Variants in TTC6 observed in about 807,000 individuals in gnomAD.
The protein encoded by TTC6 is tetratricopeptide repeat protein 6.
TTC6 carries 172 observed loss-of-function variants against 210.4 expected under a neutral mutation model. The ratio of observed to expected loss-of-function variants is 0.82; its 90% CI spans 0.72 to 0.93. The LOEUF is 0.93. Among genes scored for constraint, TTC6 ranks in the 40% least tolerant of loss-of-function variants. The probability of loss-of-function intolerance (pLI) is 0.00; values close to 1 mark genes in which losing one functional copy is unlikely to be tolerated. For synonymous variants in TTC6, 804 were observed against 819.6 expected, an observed-to-expected ratio of 0.98 and a Z score of 0.32; for missense variants, 2,414 against 2,318.1, an observed-to-expected ratio of 1.04 and a Z score of -0.85.
chr14:37,783,922 T>G (rs2096061525), intron 14 of TTC6, among the ~76,000 whole-genome samples: 2 of 152,220 alleles, frequency 1.3e-5, no homozygotes, highest in South Asian at 4.1e-4. Flanking sequence ...TTGTTCAGCT[T>G]CCATGTAGTT....
chr14:37,840,409 G>A (rs1204239019), intron 29 of TTC6, among the ~76,000 whole-genome samples: 2 of 152,148 alleles, frequency 1.3e-5, no homozygotes, highest in Admixed American at 6.5e-5. Context: ...TCTGCCAGAG[G>A]TGCAAAGAGG....
intron 20 of TTC6, among the ~76,000 whole-genome samples, chr14:37,797,624 T>G (rs1390367495): frequency 6.6e-6 from 1 of 151,972 alleles, no homozygotes; most frequent in Admixed American, 6.6e-5. Flanking sequence ...TGAACAAAAC[T>G]TCTAAAGTTT....
At chr14:37,635,215 G>A (rs867776767) in intron 1 of TTC6, among the ~76,000 whole-genome samples, 2 of 152,148 alleles carry the variant, frequency 1.3e-5, no homozygotes, top group South Asian at 4.1e-4. Flanking sequence ...GGGAGGTAAG[G>A]TTTTCATGTG....
At chr14:37,620,230 A>C (rs1428443639), upstream of TTC6, among the ~76,000 whole-genome samples, 2 of 152,146 alleles carry the variant, frequency 1.3e-5, no homozygotes, top group Non-Finnish European at 2.9e-5. Context: ...TATATATTTT[A>C]AATTCAAATC....
intron 10 of TTC6, among the ~76,000 whole-genome samples, chr14:37,742,724 C>T (rs2095924524): frequency 6.6e-6 from 1 of 152,024 alleles, no homozygotes; most frequent in Admixed American, 6.6e-5. Context: ...GGCCATCAGG[C>T]CTATTTTGAC....
chr14:37,696,918 A>G, intron 4 of TTC6, 83 bp downstream of exon 6: 1 of 579,716 alleles, frequency 1.7e-6, no homozygotes, highest in Non-Finnish European at 2.6e-6. Flanking sequence ...TTTTTAAAAA[A>G]GAAAACTAAA....
chr14:37,814,115 A>G (rs2096136016), intron 25 of TTC6, among the ~76,000 whole-genome samples: 1 of 152,222 alleles, frequency 6.6e-6, no homozygotes, highest in Non-Finnish European at 1.5e-5. Context: ...GCTTCCCATC[A>G]CACTTAGAAT....
intron 3 of TTC6, among the ~76,000 whole-genome samples, chr14:37,693,083 A>G (rs1434361676): frequency 6.6e-6 from 1 of 152,082 alleles, no homozygotes; most frequent in Non-Finnish European, 1.5e-5. Flanking sequence ...AAGGCATCCA[A>G]ATTGGAAAGG....
At chr14:37,741,575 G>A (rs2095919945) in intron 10 of TTC6, among the ~76,000 whole-genome samples, 1 of 152,010 alleles carries the variant, frequency 6.6e-6, no homozygotes, top group African/African-American at 2.4e-5. Flanking sequence ...CAGGCATGAG[G>A]CACCGCGCCT....
exon 1 of TTC6, chr14:37,622,968 A>T (rs1194687243): frequency 1.3e-6 from 2 of 1,508,024 alleles, no homozygotes; most frequent in East Asian, 5.0e-5. Flanking sequence ...GCTCATACGG[A>T]GCGTCCTTGG....
rs1337285442 is a variant in TTC6, at chr14:37,598,537, C to A, written c.-235+2529C>A. On this transcript the variant is annotated intron_variant, in intron 1 of 2. Coordinates refer to the TTC6 transcript ENST00000556845. The surrounding 1 kb of genome is among the most constrained non-coding windows in gnomAD (Gnocchi z 4.9). The stretch of plus-strand genomic sequence containing the variant: ...TGAGCGGCACTCGGTCCTTTGACCA[C>A]GCTTGGCTGCCTCAGCTTACACTTC... 1.3e-5 allele frequency among the ~76,000 whole-genome samples: 2 copies of A among 152,228 alleles called. No homozygotes were observed. Among genetic ancestry groups the A allele is most frequent in the African/African-American group, 4.8e-5 (2 of 41,468 alleles).
intron 8 of TTC6, among the ~76,000 whole-genome samples, chr14:37,737,007 C>G (rs2095903425): frequency 6.6e-6 from 1 of 152,154 alleles, no homozygotes; most frequent in Non-Finnish European, 1.5e-5. Context: ...ATCCTCCTGC[C>G]TCAGCCTCCC....
At chr14:37,724,640 A>G (rs1042458137) in intron 6 of TTC6, among the ~76,000 whole-genome samples, 11 of 152,298 alleles carry the variant, frequency 7.2e-5, no homozygotes, top group African/African-American at 2.6e-4. Context: ...TGGCACGTAC[A>G]CTTTCTACTC....
chr14:37,735,493 C>T (rs2095899204), intron 7 of TTC6, among the ~76,000 whole-genome samples: 1 of 152,114 alleles, frequency 6.6e-6, no homozygotes, highest in African/African-American at 2.4e-5. Context: ...GCACTTAAGG[C>T]AAATTTCATT....
At chr14:37,713,927 G>A (rs894750174) in intron 5 of TTC6, among the ~76,000 whole-genome samples, 6 of 152,064 alleles carry the variant, frequency 3.9e-5, no homozygotes, top group African/African-American at 1.4e-4. Flanking sequence ...GCTTCAATGT[G>A]AAATTGATAT....
intron 14 of TTC6, among the ~76,000 whole-genome samples, chr14:37,782,914 A>G (rs1233941214): frequency 2.0e-5 from 3 of 152,156 alleles, no homozygotes; most frequent in East Asian, 3.8e-4. Context: ...GGTTCTGTTT[A>G]TATGCTGGAT....
At chr14:37,630,728 G>C (rs1190798175) in intron 1 of TTC6, among the ~76,000 whole-genome samples, 1 of 151,858 alleles carries the variant, frequency 6.6e-6, no homozygotes, top group Admixed American at 6.6e-5. Context: ...TCTTTTTGTA[G>C]GTCTCTGAGA....
intron 1 of TTC6, among the ~76,000 whole-genome samples, chr14:37,630,540 G>T (rs912222028): frequency 6.6e-6 from 1 of 152,148 alleles, no homozygotes; most frequent in African/African-American, 2.4e-5. Flanking sequence ...GTGATGCTGG[G>T]AAGAATGTAT....
intron 24 of TTC6, among the ~76,000 whole-genome samples, chr14:37,811,868 G>C (rs1370677833): frequency 6.6e-6 from 1 of 152,160 alleles, no homozygotes; most frequent in East Asian, 1.9e-4. Flanking sequence ...GTGCAGGCTT[G>C]ATTCTTGTTA....
Sources: gnomAD v4.1 joint callset for allele counts (sites outside exome capture counted in the v4.1 genomes callset) on GRCh38, gnomAD v4.1.1 for gene constraint, Gnocchi (gnomAD v3.1) non-coding constraint, MANE v1.5 for transcripts, NCBI Gene and HGNC (gene_info 2026-07-23, HGNC 2026-07-21) for gene names.